Variants in LRPAP1 observed in about 807,000 individuals in gnomAD.
LRPAP1 encodes LDL receptor related protein associated protein 1.
A neutral mutation model predicts 39.9 loss-of-function variants in LRPAP1; 41 were observed. The ratio of observed to expected loss-of-function variants is 1.03; its 90% CI spans 0.80 to 1.33. LRPAP1 has a LOEUF of 1.33. Among genes scored for constraint, LRPAP1 ranks in the 40% most tolerant of loss-of-function variants. LRPAP1 has a pLI of 0.00. For synonymous variants in LRPAP1, 263 were observed against 212.7 expected (o/e 1.24, Z -2.06); for missense variants, 565 against 482.3 (o/e 1.17, Z -1.61).
chr4:3,524,756 G>T, intron 2 of LRPAP1, 151 bp downstream of exon 2: 1 of 907,660 alleles, frequency 1.1e-6, no homozygotes, highest in Non-Finnish European at 1.7e-6. Flanking sequence ...CACTCAGGAT[G>T]CTCGGGGAAA....
At chr4:3,517,910 G>A (rs952179293) in intron 5 of LRPAP1, 124 bp downstream of exon 5, 48 of 1,264,824 alleles carry the variant, frequency 3.8e-5, no homozygotes, top group Non-Finnish European at 4.9e-5. Flanking sequence ...TGAGCGCGCC[G>A]AGGGTCTCCG....
Position 3,532,263 on chromosome 4 carries a change from G to A in LRPAP1, c.150C>T (p.Ser50=), listed in dbSNP as rs1730279974. The A allele has an allele frequency of 1.3e-6, 2 of 1,554,340 alleles. No homozygotes were observed. Among genetic ancestry groups the A allele is most frequent in the African/African-American group, 1.4e-5 (1 of 73,330 alleles). ...NQPKPSPKRE[S]GEEFRMEKLN... is the part of the protein sequence containing the mutation. ...ACTTCTCCATGCGGAACTCCTCTCC[G>A]GACTCGCGTTTCGGGGACGGCTTGG... Residue 50 remains serine, a synonymous_variant, in exon 1 of 8, where the codon TCC becomes TCT. Coordinates refer to ENST00000650182, the MANE Select transcript of LRPAP1 (RefSeq NM_002337.4).
chr4:3,510,968 T>A lies in LRPAP1; in HGVS notation c.*2006A>T, dbSNP rs533665321. The A allele has an allele frequency of 3.3e-5, 5 of 152,416 alleles. 1 individual carries two copies. The South Asian group carries it at 1.0e-3, about 32-fold the overall frequency. The allele number at this position is 152,416 out of a possible 1,614,324, so 9.4% of individuals were successfully genotyped here. A position where few individuals can be genotyped will look rare whatever the true frequency, so the allele number is the denominator to read the frequency against. ...ACTAACACTCGGTATCTGGGTTTTT[T>A]GTGTAACTGCCTCCCCTCAACACCA... is the stretch of plus-strand genomic sequence containing the variant. On this transcript the variant is annotated 3_prime_UTR_variant, in exon 8 of 8. Coordinates refer to ENST00000650182, the MANE Select transcript of LRPAP1 (RefSeq NM_002337.4).
chr4:3,527,999 G>C (rs569706597), intron 1 of LRPAP1, among the ~76,000 whole-genome samples: 1 of 152,198 alleles, frequency 6.6e-6, no homozygotes, highest in Admixed American at 6.5e-5. Flanking sequence ...ACAAAAGCCA[G>C]CTCCCTTTCC....
intron 3 of LRPAP1, among the ~76,000 whole-genome samples, chr4:3,519,855 G>A (rs1162939822): frequency 2.0e-5 from 3 of 152,210 alleles, no homozygotes; most frequent in Non-Finnish European, 4.4e-5. Flanking sequence ...GCCAAACAGA[G>A]CTCCTTTACT....
In LRPAP1 at chr4:3,513,001, G is replaced by T; in HGVS notation, c.1047C>A (p.Ile349=). The change falls in exon 8 of 8, where the codon ATC becomes ATA. Residue 349 remains isoleucine, a synonymous_variant. Transcript: ENST00000650182. ...AGAGTTCGTTGTGCCGAGCTCTGGA[G>T]ATCCTGCCGGACAGGTCCTGCAGAT... The part of the protein sequence containing the change: ...KKHLQDLSGR[I]SRARHNEL The T allele has an allele frequency of 6.2e-7, 1 of 1,612,722 alleles. No individual in the cohort carries two copies. The highest frequency in any genetic ancestry group is 8.5e-7 in the Non-Finnish European group (1 of 1,179,484).
intron 3 of LRPAP1, among the ~76,000 whole-genome samples, chr4:3,519,469 T>C (rs890159528): frequency 1.6e-4 from 24 of 152,294 alleles, no homozygotes; most frequent in Admixed American, 7.2e-4. Flanking sequence ...ACCGACTCCA[T>C]CTCTCCTGGC....
At position 3,509,066 on chromosome 4, in the gene LRPAP1, A is replaced by G. The variant is rs1217120157; in HGVS notation, c.*3908T>C. The G allele has an allele frequency of 1.3e-5, 2 of 152,280 alleles. No individual in the cohort carries two copies. The highest frequency in any genetic ancestry group is 2.9e-5 in the Non-Finnish European group (2 of 68,046). 9.4% of individuals were successfully genotyped at this position (152,280 alleles called of 1,614,324 possible). On this transcript the variant is annotated 3_prime_UTR_variant, in exon 8 of 8. Coordinates refer to ENST00000650182, the MANE Select transcript of LRPAP1 (RefSeq NM_002337.4). ...CGCACAGGTGACAAATGAAATAAAA[A>G]TACACAGTCCTCAATAGCATATCGA...
chr4:3,527,947 C>A (rs1202421117), intron 1 of LRPAP1, among the ~76,000 whole-genome samples: 3 of 152,244 alleles, frequency 2.0e-5, no homozygotes, highest in Non-Finnish European at 4.4e-5. Flanking sequence ...GATTCCCCAA[C>A]TCTCAGGCAA....
At chr4:3,515,457 G>A (rs576802196) in intron 6 of LRPAP1, among the ~76,000 whole-genome samples, 4 of 152,302 alleles carry the variant, frequency 2.6e-5, no homozygotes, top group South Asian at 2.1e-4. Context: ...CCTTTCTGGG[G>A]GAGGTGCTAA....
chr4:3,525,301 CG>C (rs1345223505), intron 1 of LRPAP1, among the ~76,000 whole-genome samples: 1 of 152,158 alleles, frequency 6.6e-6, no homozygotes, highest in Non-Finnish European at 1.5e-5. Flanking sequence ...CCACCAGCAG[CG>C]GCTGCTCATT....
intron 1 of LRPAP1, among the ~76,000 whole-genome samples, chr4:3,526,882 C>T (rs1054822669): frequency 1.3e-5 from 2 of 152,206 alleles, no homozygotes; most frequent in African/African-American, 4.8e-5. Context: ...GACTCTGTGG[C>T]TGCCCTAGCC....
rs1326145111 is a variant in LRPAP1, at chr4:3,505,395, G to A, written c.*7579C>T. Among the ~76,000 whole-genome samples the A allele has an allele frequency of 8.5e-5, 13 of 152,358 alleles. No individual in the cohort carries two copies. The highest frequency in any genetic ancestry group is 1.5e-5 in the Non-Finnish European group (1 of 68,028). On this transcript the variant is annotated 3_prime_UTR_variant, in exon 8 of 8. Coordinates refer to ENST00000650182, the MANE Select transcript of LRPAP1 (RefSeq NM_002337.4). The stretch of plus-strand genomic sequence containing the variant: ...AGGCTGCTGGCCCCATCGCTGGGAA[G>A]GAGTGGTTTGACCCCTCACCACTGA...
intron 4 of LRPAP1, 98 bp downstream of exon 4, chr4:3,518,773 G>A (rs1729811106): frequency 2.5e-6 from 2 of 809,624 alleles, no homozygotes; most frequent in Admixed American, 5.6e-5. Context: ...GAGGGGAGCT[G>A]AGGCTGCCCA....
chr4:3,521,269 T>C (rs1263660387), intron 2 of LRPAP1, among the ~76,000 whole-genome samples: 1 of 152,148 alleles, frequency 6.6e-6, no homozygotes, highest in East Asian at 1.9e-4. Context: ...GGGCCCCGAG[T>C]AGGCCTCTCC....
chr4:3,526,630 G>A (rs1447504967), intron 1 of LRPAP1, among the ~76,000 whole-genome samples: 1 of 152,184 alleles, frequency 6.6e-6, no homozygotes, highest in East Asian at 1.9e-4. Flanking sequence ...TCAGGTCCGC[G>A]CCGCGCAGGG....
At position 3,504,312 on chromosome 4, in the gene LRPAP1, CACAA is replaced by C. The variant is rs1050510191; in HGVS notation, c.*8658_*8661del. 2.6e-5 allele frequency: 4 copies of C among 152,292 alleles called. No individual in the cohort carries two copies. Among genetic ancestry groups the C allele is most frequent in the African/African-American group, 7.2e-5 (3 of 41,476 alleles). The allele number at this position is 152,292 out of a possible 1,614,324, so 9.4% of individuals were successfully genotyped here. A position where few individuals can be genotyped will look rare whatever the true frequency, so the allele number is the denominator to read the frequency against. On this transcript the variant is annotated 3_prime_UTR_variant, in exon 8 of 8. Coordinates refer to ENST00000650182, the MANE Select transcript of LRPAP1 (RefSeq NM_002337.4). ...TCAAATAGGCCCCCAAATAATTCTT[CACAA>C]ACACTTAACAGTTCAGGCCGGGCAC...
In LRPAP1 at chr4:3,510,801, C is replaced by T. The variant is rs1729483166; in HGVS notation, c.*2173G>A. ...GACACAGACTGCCCAGAGCCATGCA[C>T]GTGGAACCCATGGCAGGCGGGAGGT... On this transcript the variant is annotated 3_prime_UTR_variant, in exon 8 of 8. Coordinates refer to ENST00000650182, the MANE Select transcript of LRPAP1 (RefSeq NM_002337.4). 1 of 152,290 alleles carries T rather than the reference C, an allele frequency of 6.6e-6. No homozygotes were observed. Among genetic ancestry groups the T allele is most frequent in the East Asian group, 1.9e-4 (1 of 5,202 alleles). 9.4% of individuals were successfully genotyped at this position (152,290 alleles called of 1,614,324 possible). A position where few individuals can be genotyped will look rare whatever the true frequency, so the allele number is the denominator to read the frequency against.
In LRPAP1 at chr4:3,510,015, G is replaced by A. The variant is rs1017329430; in HGVS notation, c.*2959C>T. ...TTTGGTAGAAATTGAGACACTGATT[G>A]TAAAACATATATGGAAACACCAAGG... On this transcript the variant is annotated 3_prime_UTR_variant, in exon 8 of 8. Transcript: ENST00000650182. 10 of 152,224 alleles carry A rather than the reference G, an allele frequency of 6.6e-5. No homozygotes were observed. Among genetic ancestry groups the A allele is most frequent in the African/African-American group, 2.4e-4 (10 of 41,458 alleles). 9.4% of individuals were successfully genotyped at this position (152,224 alleles called of 1,614,324 possible). A position where few individuals can be genotyped will look rare whatever the true frequency, so the allele number is the denominator to read the frequency against.
Sources: gnomAD v4.1 joint callset for allele counts (sites outside exome capture counted in the v4.1 genomes callset) on GRCh38, gnomAD v4.1.1 for gene constraint, MANE v1.5 for transcripts, NCBI Gene and HGNC (gene_info 2026-07-23, HGNC 2026-07-21) for gene names.